Variants in TTC1 observed in about 807,000 individuals in gnomAD.
TTC1 encodes tetratricopeptide repeat protein 1.
In TTC1, 31 loss-of-function variants were observed where a neutral mutation model predicts 37.6. That is an observed-to-expected ratio of 0.82 (90% CI 0.62 to 1.11). TTC1 has a LOEUF of 1.11. Among genes scored for constraint, TTC1 ranks in the 50% most tolerant of loss-of-function variants. The pLI, the probability that TTC1 is intolerant of heterozygous loss-of-function variation, is 0.00. For missense variants in TTC1, 351 were observed against 339.0 expected (o/e 1.04, Z -0.28); for synonymous variants, 127 against 122.4 (o/e 1.04, Z -0.25).
chr5:160,045,712 A>C (rs1757224478), intron 5 of TTC1, among the ~76,000 whole-genome samples: 1 of 151,910 alleles, frequency 6.6e-6, no homozygotes, highest in Admixed American at 6.6e-5. Flanking sequence ...GGTGCACGCC[A>C]CCACACCCAG....
rs778803256 is a variant in TTC1 at position 160,035,196 on chromosome 5, A to T, written c.387A>T (p.Lys129Asn). 3 of 1,605,106 alleles carry T rather than the reference A, an allele frequency of 1.9e-6. No individual in the cohort carries two copies. The African/African-American group carries it at 4.0e-5, about 22-fold the overall frequency. Residue 129 changes from lysine to asparagine, a missense_variant, in exon 3 of 8, where the codon AAA (lysine) becomes AAT (asparagine). Lys to Asn is a moderately conservative substitution (Grantham distance 94). Coordinates refer to ENST00000231238, the MANE Select transcript of TTC1 (RefSeq NM_003314.3). ...LKEEGNEQFK[K>N]GDYIEAESSY... Reference sequence around the variant, plus strand: ...AGGAGGGAAATGAACAGTTTAAGAAAGGAGGTAAGACGACTTTCAGCACTG... The same window carrying T: ...AGGAGGGAAATGAACAGTTTAAGAATGGAGGTAAGACGACTTTCAGCACTG...
chr5:160,045,046 G>T (rs1757178264), intron 5 of TTC1, among the ~76,000 whole-genome samples: 1 of 152,176 alleles, frequency 6.6e-6, no homozygotes, highest in African/African-American at 2.4e-5. Context: ...TTGTTTGGAA[G>T]AAGTTATTTA....
intron 2 of TTC1, among the ~76,000 whole-genome samples, chr5:160,019,580 CTT>C (rs201420281): frequency 0.066 from 7,105 of 107,632 alleles, 83 homozygotes; most frequent in Admixed American, 0.12. Context: ...TTCTTTCATT[CTT>C]TTTTTTTTTT....
chr5:160,049,395 T>C, intron 5 of TTC1, 119 bp from the exon 6 acceptor site: 1 of 992,968 alleles, frequency 1.0e-6, no homozygotes, highest in South Asian at 2.2e-5. Flanking sequence ...AGGTATACAC[T>C]TGGCAAATGA....
intron 5 of TTC1, among the ~76,000 whole-genome samples, chr5:160,045,570 A>G (rs79560998): frequency 0.03 from 3,160 of 106,386 alleles, 124 homozygotes; most frequent in East Asian, 0.11. Context: ...CCCTCTCTCA[A>G]TCTCTCAATT....
At chr5:160,064,098 A>G (rs1753523844) in intron 7 of TTC1, among the ~76,000 whole-genome samples, 1 of 150,888 alleles carries the variant, frequency 6.6e-6, no homozygotes, top group Non-Finnish European at 1.5e-5. Flanking sequence ...CCTCCCTAGT[A>G]GCTGGGACTG....
At chr5:160,031,026 A>G (rs1457239978) in intron 2 of TTC1, among the ~76,000 whole-genome samples, 1 of 152,172 alleles carries the variant, frequency 6.6e-6, no homozygotes, top group Admixed American at 6.5e-5. Flanking sequence ...TTGGATTCCA[A>G]TAATATTGTA....
At chr5:160,044,207 CT>C (rs1198281986) in intron 5 of TTC1, among the ~76,000 whole-genome samples, 1 of 152,144 alleles carries the variant, frequency 6.6e-6, no homozygotes, top group East Asian at 1.9e-4. Flanking sequence ...TCTAGATCCC[CT>C]GTCACGCTAA....
chr5:160,036,788 A>G lies in TTC1; in HGVS notation c.489A>G (p.Ala163=), dbSNP rs1167374657. ...CGATTCTATTTTCAAATAGAGCTGCAGCAAGGATGAAACAGGTATGTATCT... is the reference window on the plus strand; with the variant it reads ...CGATTCTATTTTCAAATAGAGCTGCGGCAAGGATGAAACAGGTATGTATCT... ...ERSILFSNRA[A]ARMKQDKKEM... The change falls in exon 4 of 8, where the codon GCA becomes GCG. Residue 163 remains alanine, a synonymous_variant. Transcript: ENST00000231238. 21 of 1,613,104 alleles carry G rather than the reference A, an allele frequency of 1.3e-5. No homozygotes were observed. In the East Asian group the frequency reaches 4.5e-4, roughly 34 times the overall value.
chr5:160,024,799 C>CTTG (rs142311796), intron 2 of TTC1, among the ~76,000 whole-genome samples: 5,562 of 152,132 alleles, frequency 0.037, 134 homozygotes, highest in East Asian at 0.12. Context: ...GGTCCAAGCC[C>CTTG]TTGATTCAGT....
chr5:160,016,585 A>ATGAT (rs1756610304), intron 2 of TTC1, among the ~76,000 whole-genome samples: 1 of 152,176 alleles, frequency 6.6e-6, no homozygotes, highest in Non-Finnish European at 1.5e-5. Context: ...TTTGAGAGGT[A>ATGAT]TGATTATTAG....
Position 160,035,163 on chromosome 5 carries a change from AC to A in TTC1, c.355del (p.Leu119Ter). ...KQKRREESTR[L>X]KEEGNEQFKK... ...AGAAAAGAAGAGAAGAGAGCACTAG[AC>A]TAAAGGAGGAGGGAAATGAACAGTT... On this transcript the variant is annotated frameshift_variant, in exon 3 of 8. Transcript: ENST00000231238. LOFTEE classifies it high-confidence loss of function. The A allele has an allele frequency of 6.2e-7, 1 of 1,605,100 alleles. No homozygotes were observed.
intron 5 of TTC1, among the ~76,000 whole-genome samples, chr5:160,046,933 AC>A (rs1757266236): frequency 6.6e-6 from 1 of 152,104 alleles, no homozygotes; most frequent in African/African-American, 2.4e-5. Context: ...AATCACTTGA[AC>A]CTGGGAGGTG....
At chr5:160,056,628 T>G (rs1757554498) in intron 7 of TTC1, among the ~76,000 whole-genome samples, 1 of 151,960 alleles carries the variant, frequency 6.6e-6, no homozygotes, top group Non-Finnish European at 1.5e-5. Flanking sequence ...GAGGCTAAGG[T>G]GGGAGGATTG....
Position 160,059,310 on chromosome 5 carries a change from G to A in TTC1, c.746-5622G>A, listed in dbSNP as rs536353740. ...CAGCCTTTGCTGCTTCACTTTGCAC[G>A]TTTATGTTATGGAGATGGCTTCTTT... is the stretch of plus-strand genomic sequence containing the variant. On this transcript the variant is annotated intron_variant, in intron 7 of 7. Transcript: ENST00000231238. Among the ~76,000 whole-genome samples, 7 of 152,284 alleles carry A rather than the reference G, an allele frequency of 4.6e-5. No individual in the cohort carries two copies. In the East Asian group the frequency reaches 7.7e-4, roughly 17 times the overall value.
chr5:160,021,424 C>T (rs182106274), intron 2 of TTC1, among the ~76,000 whole-genome samples: 6 of 152,224 alleles, frequency 3.9e-5, no homozygotes, highest in South Asian at 2.1e-4. Context: ...CTTGTTGGGC[C>T]GAATTTAAGC....
chr5:160,014,229 G>T (rs190688752), intron 2 of TTC1, among the ~76,000 whole-genome samples: 18 of 151,986 alleles, frequency 1.2e-4, no homozygotes, highest in African/African-American at 3.9e-4. Context: ...CTGGTGGCGG[G>T]CTCCTGTAAT....
At chr5:160,054,649 A>G (rs1262958427) in intron 7 of TTC1, among the ~76,000 whole-genome samples, 1 of 152,110 alleles carries the variant, frequency 6.6e-6, no homozygotes, top group Non-Finnish European at 1.5e-5. Context: ...ATGTGAAACC[A>G]CAATATAGAA....
intron 2 of TTC1, among the ~76,000 whole-genome samples, chr5:160,021,447 G>A (rs1168199485): frequency 1.3e-5 from 2 of 152,210 alleles, no homozygotes; most frequent in East Asian, 3.8e-4. Flanking sequence ...TCCTGACATA[G>A]AAAATTTATT....
Sources: gnomAD v4.1 joint callset for allele counts (sites outside exome capture counted in the v4.1 genomes callset) on GRCh38, gnomAD v4.1.1 for gene constraint, MANE v1.5 for transcripts, NCBI Gene and HGNC (gene_info 2026-07-23, HGNC 2026-07-21) for gene names.